STX8: variants seen among roughly 807,000 people sequenced by gnomAD.
STX8 encodes syntaxin-8.
A neutral mutation model predicts 37.5 loss-of-function variants in STX8; 23 were observed. The observed-to-expected ratio is 0.61, with a 90% confidence interval of 0.44 to 0.87. STX8 has a LOEUF of 0.87. Ranked by LOEUF, STX8 falls within the 40% of genes least tolerant of loss-of-function variation. STX8 has a pLI of 0.00. For missense variants in STX8, 313 were observed against 284.7 expected (o/e 1.10, Z -0.71); for synonymous variants, 115 against 99.1 (o/e 1.16, Z -0.95).
chr17:9,352,421 T>C (rs1910736315), intron 7 of STX8, among the ~76,000 whole-genome samples: 1 of 151,148 alleles, frequency 6.6e-6, no homozygotes, highest in Non-Finnish European at 1.5e-5. Context: ...TTTTTTTTAA[T>C]ATATCTTAGC....
At chr17:9,492,896 C>A (rs1045160234) in intron 5 of STX8, among the ~76,000 whole-genome samples, 2 of 152,066 alleles carry the variant, frequency 1.3e-5, no homozygotes, top group Non-Finnish European at 2.9e-5. Context: ...GAGATCGAGA[C>A]CATCCTGGCT....
intron 6 of STX8, among the ~76,000 whole-genome samples, chr17:9,397,124 G>A (rs921154551): frequency 1.3e-5 from 2 of 152,230 alleles, no homozygotes; most frequent in Non-Finnish European, 2.9e-5. Flanking sequence ...TGGGCTGGGC[G>A]CGGTGGCCCA....
chr17:9,430,825 A>G (rs1913935386), intron 6 of STX8, among the ~76,000 whole-genome samples: 1 of 150,942 alleles, frequency 6.6e-6, no homozygotes, highest in Non-Finnish European at 1.5e-5. Flanking sequence ...AATTTTTTGT[A>G]TTTTTAGTAG....
chr17:9,356,973 T>G (rs995242966), intron 7 of STX8, among the ~76,000 whole-genome samples: 2 of 146,482 alleles, frequency 1.4e-5, no homozygotes, highest in African/African-American at 5.0e-5. Context: ...TTTTTTTTTT[T>G]TTTTTTTTTT....
intron 7 of STX8, among the ~76,000 whole-genome samples, chr17:9,277,307 G>A (rs1323365894): frequency 3.3e-5 from 5 of 152,118 alleles, no homozygotes; most frequent in African/African-American, 7.3e-5. Flanking sequence ...TCTGGAGCAC[G>A]GGGTGTGGAT....
At chr17:9,453,879 G>T (rs950763493) in intron 6 of STX8, among the ~76,000 whole-genome samples, 2 of 152,088 alleles carry the variant, frequency 1.3e-5, no homozygotes, top group Admixed American at 6.5e-5. Context: ...CTCCTAAGGG[G>T]ACTTATGGGT....
chr17:9,533,856 A>G (rs995784603), intron 4 of STX8, among the ~76,000 whole-genome samples: 1 of 152,084 alleles, frequency 6.6e-6, no homozygotes, highest in African/African-American at 2.4e-5. Context: ...CAGAACCTCA[A>G]TTTTGTTCAG....
At chr17:9,539,127 TTC>T (rs1906174560) in intron 4 of STX8, among the ~76,000 whole-genome samples, 1 of 152,228 alleles carries the variant, frequency 6.6e-6, no homozygotes, top group Admixed American at 6.5e-5. Flanking sequence ...AAAACTAAGA[TTC>T]TGTCACATGA....
chr17:9,445,869 GCT>G (rs1439516570), intron 6 of STX8, among the ~76,000 whole-genome samples: 2 of 108,162 alleles, frequency 1.8e-5, no homozygotes, highest in Admixed American at 1.2e-4. Context: ...ACAGAGTCTT[GCT>G]CTGTCTCCCA....
At chr17:9,451,748 A>T (rs775673649) in intron 6 of STX8, among the ~76,000 whole-genome samples, 3 of 151,978 alleles carry the variant, frequency 2.0e-5, no homozygotes, top group Non-Finnish European at 4.4e-5. Flanking sequence ...ACAAATGTGC[A>T]ATTTAAATAT....
At chr17:9,424,162 C>T (rs865867605) in intron 6 of STX8, among the ~76,000 whole-genome samples, 1 of 152,124 alleles carries the variant, frequency 6.6e-6, no homozygotes, top group Non-Finnish European at 1.5e-5. Context: ...GGCTGGGCGA[C>T]CCCCTAAGAT....
At chr17:9,269,080 G>A (rs936842056) in intron 7 of STX8, among the ~76,000 whole-genome samples, 12 of 151,968 alleles carry the variant, frequency 7.9e-5, no homozygotes, top group South Asian at 4.2e-4. Context: ...CCAGCTACTC[G>A]GGAGGCTGAG....
intron 6 of STX8, among the ~76,000 whole-genome samples, chr17:9,439,354 G>C (rs1402917506): frequency 6.6e-6 from 1 of 152,144 alleles, no homozygotes; most frequent in Non-Finnish European, 1.5e-5. Flanking sequence ...TTTTGGTGAA[G>C]ACCAATGCCT....
chr17:9,574,217 G>GCCAT (rs1907801365), intron 1 of STX8, among the ~76,000 whole-genome samples: 1 of 150,992 alleles, frequency 6.6e-6, no homozygotes, highest in African/African-American at 2.4e-5. Context: ...GTTGCAGTGA[G>GCCAT]CCATGATCGC....
At chr17:9,260,729 T>C (rs1050105393) in intron 7 of STX8, among the ~76,000 whole-genome samples, 37 of 152,294 alleles carry the variant, frequency 2.4e-4, no homozygotes, top group African/African-American at 7.5e-4. Context: ...GGGTTTGTGC[T>C]GAGGCAACAC....
intron 4 of STX8, among the ~76,000 whole-genome samples, chr17:9,534,350 AC>A (rs894685565): frequency 6.6e-6 from 1 of 152,198 alleles, no homozygotes; most frequent in Non-Finnish European, 1.5e-5. Context: ...AAACAAACAA[AC>A]AAACAAACAA....
intron 7 of STX8, among the ~76,000 whole-genome samples, chr17:9,285,465 G>A (rs965760586): frequency 2.6e-5 from 4 of 151,562 alleles, no homozygotes; most frequent in African/African-American, 7.3e-5. Context: ...GTCTACCTGA[G>A]GCCCTGGACT....
intron 6 of STX8, among the ~76,000 whole-genome samples, chr17:9,448,422 G>A (rs973968386): frequency 4.6e-5 from 7 of 152,158 alleles, no homozygotes; most frequent in East Asian, 1.9e-4. Context: ...TCCTTTCGGC[G>A]GTGTGTTTAG....
intron 7 of STX8, among the ~76,000 whole-genome samples, chr17:9,366,833 C>T (rs1911244919): frequency 6.6e-6 from 1 of 151,916 alleles, no homozygotes; most frequent in African/African-American, 2.4e-5. Flanking sequence ...TAAATGATAA[C>T]AGAAAAAAGG....
Sources: allele counts gnomAD v4.1 joint callset (sites outside exome capture counted in the v4.1 genomes callset), GRCh38; gene constraint gnomAD v4.1.1; transcripts MANE v1.5; gene names NCBI Gene and HGNC (gene_info 2026-07-23, HGNC 2026-07-21).